The following NCALD variants were observed in gnomAD, a reference collection of about 807,000 sequenced individuals.
The protein encoded by NCALD is neurocalcin-delta.
A neutral mutation model predicts 18.6 loss-of-function variants in NCALD; 10 were observed. That is an observed-to-expected ratio of 0.54 (90% confidence interval 0.33 to 0.91). NCALD has a LOEUF of 0.91. NCALD is among the 40% of genes least tolerant of loss of function. The pLI, the probability that NCALD is intolerant of heterozygous loss-of-function variation, is 0.03. For missense variants in NCALD, 184 were observed against 247.6 expected (o/e 0.74, Z 1.72); for synonymous variants, 88 against 87.4 (o/e 1.01, Z -0.04).
At chr8:101,988,710 T>C (rs1337031275) in intron 2 of NCALD, among the ~76,000 whole-genome samples, 2 of 152,120 alleles carry the variant, frequency 1.3e-5, no homozygotes, top group African/African-American at 2.4e-5. Context: ...TGAAGGTATA[T>C]TCTTGCTTAC....
intron 4 of NCALD, among the ~76,000 whole-genome samples, chr8:101,841,018 T>G (rs779607363): frequency 6.6e-6 from 1 of 152,198 alleles, no homozygotes; most frequent in Non-Finnish European, 1.5e-5. Flanking sequence ...TGAAATCTAG[T>G]GAATAGAATG....
At chr8:102,117,113 T>C (rs1217191429) in intron 1 of NCALD, among the ~76,000 whole-genome samples, 1 of 152,158 alleles carries the variant, frequency 6.6e-6, no homozygotes, top group Non-Finnish European at 1.5e-5. Flanking sequence ...AGCACGGCAT[T>C]TCGGCCTCAG....
intron 1 of NCALD, among the ~76,000 whole-genome samples, chr8:101,720,551 A>G (rs1382575923): frequency 1.3e-5 from 2 of 152,210 alleles, no homozygotes; most frequent in South Asian, 2.1e-4. Flanking sequence ...ATATGTTTCC[A>G]TAACAAGAAT....
chr8:102,001,055 G>C (rs980824087), intron 2 of NCALD, among the ~76,000 whole-genome samples: 1 of 152,222 alleles, frequency 6.6e-6, no homozygotes, highest in African/African-American at 2.4e-5. Context: ...AGAGAAGAAG[G>C]CTTCAGATGA....
intron 2 of NCALD, among the ~76,000 whole-genome samples, chr8:101,993,205 T>C (rs1173118743): frequency 2.0e-5 from 3 of 151,500 alleles, no homozygotes; most frequent in African/African-American, 7.3e-5. Flanking sequence ...TGTGTAGCCC[T>C]GGGCTCATTA....
At chr8:102,119,317 T>C (rs181634843) in intron 1 of NCALD, among the ~76,000 whole-genome samples, 2 of 152,200 alleles carry the variant, frequency 1.3e-5, no homozygotes, top group Admixed American at 1.3e-4. Context: ...AATAGGCCAG[T>C]CACAAAAAAG....
rs771045826 is a variant in NCALD at position 101,689,000 on chromosome 8, C to T, written c.*309G>A. 1.5e-6 allele frequency: 1 copy of T among 688,922 alleles called. No individual in the cohort carries two copies. The highest frequency in any genetic ancestry group is 2.6e-6 in the Non-Finnish European group (1 of 379,558). The allele number at this position is 688,922 out of a possible 1,614,324, so 42.7% of individuals were successfully genotyped here. A position where few individuals can be genotyped will look rare whatever the true frequency, so the allele number is the denominator to read the frequency against. ...ATGGGTTTCCCTTCTTTTGCCCCAA[C>T]CCCCGAGTCTTACGTTTTAGAACAG... On this transcript the variant is annotated 3_prime_UTR_variant, in exon 4 of 4. Transcript: ENST00000220931.
intron 4 of NCALD, among the ~76,000 whole-genome samples, chr8:101,838,838 T>A (rs1413893806): frequency 6.6e-6 from 1 of 152,218 alleles, no homozygotes; most frequent in Admixed American, 6.5e-5. Flanking sequence ...GAGGTCAGTA[T>A]CATAACCAAT....
chr8:101,948,950 T>C (rs1051289821), intron 2 of NCALD, among the ~76,000 whole-genome samples: 11 of 152,170 alleles, frequency 7.2e-5, no homozygotes, highest in Admixed American at 2.6e-4. Context: ...TTGTATACAG[T>C]GCTCAGAACA....
At chr8:101,761,080 G>C (rs1811089222) in intron 1 of NCALD, among the ~76,000 whole-genome samples, 1 of 151,994 alleles carries the variant, frequency 6.6e-6, no homozygotes, top group South Asian at 2.1e-4. Context: ...AGCAGGATCC[G>C]TTTCCATGTC....
At chr8:102,033,890 G>T (rs1406627655) in intron 1 of NCALD, among the ~76,000 whole-genome samples, 1 of 151,822 alleles carries the variant, frequency 6.6e-6, no homozygotes, top group East Asian at 1.9e-4. Context: ...ACCAACCAAG[G>T]GATTAAAGAG....
chr8:102,000,325 G>C, intron 2 of NCALD, among the ~76,000 whole-genome samples: 1 of 152,210 alleles, frequency 6.6e-6, no homozygotes, highest in African/African-American at 2.4e-5. Flanking sequence ...CGAGGCTGGG[G>C]GAGGGGTACC....
chr8:102,105,943 C>T (rs1825431077), intron 1 of NCALD, among the ~76,000 whole-genome samples: 1 of 152,134 alleles, frequency 6.6e-6, no homozygotes, highest in Admixed American at 6.5e-5. Flanking sequence ...ATACTCGGAA[C>T]AGTGTCTGGC....
At chr8:101,892,155 G>T in intron 3 of NCALD, among the ~76,000 whole-genome samples, 1 of 150,344 alleles carries the variant, frequency 6.7e-6, no homozygotes, top group East Asian at 1.9e-4. Context: ...CCAGCACACA[G>T]CTGGAGATCT....
intron 1 of NCALD, among the ~76,000 whole-genome samples, chr8:102,082,971 A>G (rs1236123717): frequency 6.6e-6 from 1 of 152,250 alleles, no homozygotes; most frequent in Non-Finnish European, 1.5e-5. Flanking sequence ...AAGAATTACT[A>G]CTGAGATGCA....
intron 2 of NCALD, among the ~76,000 whole-genome samples, chr8:101,707,606 G>C (rs139243592): frequency 1.3e-5 from 2 of 152,298 alleles, no homozygotes; most frequent in African/African-American, 4.8e-5. Context: ...TCATTTAAAA[G>C]GTGTGAAGTG....
chr8:101,713,227 A>G (rs528523575), intron 2 of NCALD, among the ~76,000 whole-genome samples: 2 of 152,348 alleles, frequency 1.3e-5, no homozygotes, highest in African/African-American at 2.4e-5. Flanking sequence ...TTTGAAACCA[A>G]TGAAAACAAA....
intron 4 of NCALD, among the ~76,000 whole-genome samples, chr8:101,878,391 G>A (rs755222841): frequency 6.6e-6 from 1 of 152,214 alleles, no homozygotes; most frequent in Non-Finnish European, 1.5e-5. Flanking sequence ...ATTTCAGACT[G>A]TTCAAGAGTT....
At chr8:102,047,879 T>C (rs1004302713) in intron 1 of NCALD, among the ~76,000 whole-genome samples, 3 of 152,190 alleles carry the variant, frequency 2.0e-5, no homozygotes, top group Non-Finnish European at 4.4e-5. Flanking sequence ...GGAGAATCTC[T>C]GTCCACTTGA....
Sources: allele counts gnomAD v4.1 joint callset (sites outside exome capture counted in the v4.1 genomes callset), GRCh38; gene constraint gnomAD v4.1.1; transcripts MANE v1.5; gene names NCBI Gene and HGNC (gene_info 2026-07-23, HGNC 2026-07-21).